The following IGF2BP3 variants were observed in gnomAD, a reference collection of about 807,000 sequenced individuals.
IGF2BP3 encodes the protein insulin-like growth factor 2 mRNA-binding protein 3.
IGF2BP3 carries 9 observed loss-of-function variants against 73.8 expected under a neutral mutation model. The ratio of observed to expected loss-of-function variants is 0.12; its 90% CI spans 0.07 to 0.21. IGF2BP3 has a LOEUF of 0.21. IGF2BP3 is among the 10% of genes least tolerant of loss of function. The pLI, the probability that IGF2BP3 is intolerant of heterozygous loss-of-function variation, is 1.00. For synonymous variants in IGF2BP3, 258 were observed against 256.7 expected (o/e 1.01, Z -0.05); for missense variants, 542 against 714.0 (o/e 0.76, Z 2.75).
intron 3 of IGF2BP3, among the ~76,000 whole-genome samples, chr7:23,369,164 C>G (rs1397148481): frequency 6.6e-6 from 1 of 152,038 alleles, no homozygotes; most frequent in Non-Finnish European, 1.5e-5. Context: ...GCCATGGATC[C>G]CCAGGTTGCA....
intron 2 of IGF2BP3, among the ~76,000 whole-genome samples, chr7:23,441,003 CT>C (rs2128545012): frequency 6.6e-6 from 1 of 152,182 alleles, no homozygotes; most frequent in Admixed American, 6.5e-5. Flanking sequence ...CTTGGGAAGG[CT>C]TTACACACAT....
At chr7:23,347,916 C>G (rs1784872993) in intron 6 of IGF2BP3, 182 bp from the exon 7 acceptor site, 1 of 578,996 alleles carries the variant, frequency 1.7e-6, no homozygotes, top group Non-Finnish European at 3.0e-6. Context: ...AATTTTAATT[C>G]TAGGAACATT....
chr7:23,392,515 T>TACAC (rs999095640), intron 3 of IGF2BP3, among the ~76,000 whole-genome samples: 3 of 146,588 alleles, frequency 2.0e-5, no homozygotes, highest in African/African-American at 8.1e-5. Context: ...CACATATATA[T>TACAC]ACACACACAC....
chr7:23,386,236 C>T (rs1409042420), intron 3 of IGF2BP3, among the ~76,000 whole-genome samples: 1 of 152,176 alleles, frequency 6.6e-6, no homozygotes, highest in Admixed American at 6.5e-5. Flanking sequence ...TGCTGGCTCA[C>T]ACCTCTAATC....
Position 23,361,754 on chromosome 7 carries a change from G to A in IGF2BP3, c.286-13C>T. ...AACTATCCAGCACCTATCAGGAGGG[G>A]GAGAGAAAATTATAAATTTTGAGTT... On this transcript the variant is annotated splice_polypyrimidine_tract_variant and intron_variant, in intron 3 of 14. Coordinates refer to ENST00000258729, the MANE Select transcript of IGF2BP3 (RefSeq NM_006547.3). The A allele has an allele frequency of 6.3e-7, 1 of 1,594,282 alleles. No homozygotes were observed. Among genetic ancestry groups the A allele is most frequent in the Non-Finnish European group, 8.5e-7 (1 of 1,172,700 alleles).
At chr7:23,445,808 G>A (rs970028051) in intron 2 of IGF2BP3, among the ~76,000 whole-genome samples, 4 of 152,132 alleles carry the variant, frequency 2.6e-5, no homozygotes, top group Admixed American at 2.0e-4. Flanking sequence ...CAATAGTTAT[G>A]TTTAAGTAGA....
intron 3 of IGF2BP3, among the ~76,000 whole-genome samples, chr7:23,367,159 G>C (rs966591688): frequency 3.9e-5 from 6 of 151,910 alleles, no homozygotes; most frequent in Non-Finnish European, 5.9e-5. Context: ...TTGTATTATA[G>C]TAGAGACAAA....
At chr7:23,361,641 T>C (rs1785232006) in intron 4 of IGF2BP3, 44 bp from the exon 5 acceptor site, 1 of 1,613,130 alleles carries the variant, frequency 6.2e-7, no homozygotes, top group Non-Finnish European at 8.5e-7. Flanking sequence ...TAGTTTTCTT[T>C]CTACTTCCTT....
At chr7:23,444,451 G>C (rs1384393605) in intron 2 of IGF2BP3, among the ~76,000 whole-genome samples, 1 of 151,910 alleles carries the variant, frequency 6.6e-6, no homozygotes, top group Non-Finnish European at 1.5e-5. Context: ...CTTTAAAATT[G>C]CTTTTTAGGT....
At position 23,452,240 on chromosome 7, in the gene IGF2BP3, G is replaced by A. The variant is rs56389043; in HGVS notation, c.236+16242C>T. ...AGGATGGTCTCAATCTCCTAACCTC[G>A]TGATCCGCCTGCCTCAGCCTCCTCA... On this transcript the variant is annotated intron_variant, in intron 2 of 14. Coordinates refer to ENST00000258729, the MANE Select transcript of IGF2BP3 (RefSeq NM_006547.3). Among the ~76,000 whole-genome samples the A allele has an allele frequency of 4.6e-5, 7 of 152,062 alleles. No individual in the cohort carries two copies. In the East Asian group the frequency reaches 7.8e-4, roughly 17 times the overall value.
chr7:23,328,653 G>A (rs1018135684), intron 10 of IGF2BP3, among the ~76,000 whole-genome samples: 2 of 152,138 alleles, frequency 1.3e-5, no homozygotes, highest in African/African-American at 4.8e-5. Context: ...ACAACAATGT[G>A]CTAACAAATC....
At chr7:23,355,971 C>T (rs1010491952) in intron 5 of IGF2BP3, among the ~76,000 whole-genome samples, 7 of 149,216 alleles carry the variant, frequency 4.7e-5, no homozygotes, top group Non-Finnish European at 1.0e-4. Context: ...GGGTAGATCA[C>T]AATTTAGAGC....
Position 23,452,848 on chromosome 7 carries a change from T to A in IGF2BP3, c.236+15634A>T, listed in dbSNP as rs186141995. On this transcript the variant is annotated intron_variant, in intron 2 of 14. Transcript: ENST00000258729. ...GGCGCACAGGGCTGGGCGCAGTGGC[T>A]CACACCTATAATCCCAGCACTTTGG... 5.4e-5 allele frequency among the ~76,000 whole-genome samples: 8 copies of A among 148,162 alleles called. No homozygotes were observed. The East Asian group carries it at 1.6e-3, about 29-fold the overall frequency.
rs560852056 is a variant in IGF2BP3 at position 23,317,068 on chromosome 7, AG to A, written c.1395+570del. Among the ~76,000 whole-genome samples the A allele has an allele frequency of 1.6e-4, 25 of 152,348 alleles. 1 individual carries two copies. The East Asian group carries it at 4.2e-3, about 26-fold the overall frequency. ...ACTAGCAGCCTGGCTGCCAAGTCTC[AG>A]CTCTACCATCTCTCAGTAGACATTG... On this transcript the variant is annotated intron_variant, in intron 12 of 14. Transcript: ENST00000258729.
At chr7:23,441,574 TAAAAAAAAAAAAA>T (rs769391858) in intron 2 of IGF2BP3, among the ~76,000 whole-genome samples, 82 of 56,944 alleles carry the variant, frequency 1.4e-3, no homozygotes, top group South Asian at 3.3e-3. Flanking sequence ...CTCCATCTCT[TAAAAAAAAAAAAA>T]AAAAAAAAAA....
At chr7:23,442,407 T>C (rs1477567466) in intron 2 of IGF2BP3, among the ~76,000 whole-genome samples, 1 of 128,790 alleles carries the variant, frequency 7.8e-6, no homozygotes, top group African/African-American at 3.0e-5. Flanking sequence ...ATTTTTGTTT[T>C]GTTTTTTTTA....
At chr7:23,317,579 G>A (rs984408682) in intron 12 of IGF2BP3, 60 bp downstream of exon 12, 3 of 1,295,994 alleles carry the variant, frequency 2.3e-6, no homozygotes, top group South Asian at 1.2e-5. Context: ...GAGACGCCAG[G>A]TTATGGACTA....
At chr7:23,340,558 CA>C (rs2128500604) in intron 10 of IGF2BP3, among the ~76,000 whole-genome samples, 2 of 152,034 alleles carry the variant, frequency 1.3e-5, no homozygotes, top group East Asian at 1.9e-4. Flanking sequence ...GACATTTCCC[CA>C]AATTGGTGTA....
intron 9 of IGF2BP3, 97 bp downstream of exon 9, chr7:23,343,621 G>T: frequency 8.3e-7 from 1 of 1,197,822 alleles, no homozygotes; most frequent in Non-Finnish European, 1.2e-6. Context: ...ACTACTTCTA[G>T]TGATAATGCC....
Sources: gnomAD v4.1 joint callset for allele counts (sites outside exome capture counted in the v4.1 genomes callset) on GRCh38, gnomAD v4.1.1 for gene constraint, MANE v1.5 for transcripts, NCBI Gene and HGNC (gene_info 2026-07-23, HGNC 2026-07-21) for gene names.